Variants in DHRSX observed in about 807,000 individuals in gnomAD.
DHRSX encodes dehydrogenase/reductase X-linked.
In DHRSX, 31 loss-of-function variants were observed where a neutral mutation model predicts 34.0. The observed-to-expected ratio is 0.91, with a 90% confidence interval of 0.69 to 1.23. DHRSX has a LOEUF of 1.23. Among genes scored for constraint, DHRSX ranks in the 50% most tolerant of loss-of-function variants. The probability of loss-of-function intolerance (pLI) is 0.00; values close to 1 mark genes in which losing one functional copy is unlikely to be tolerated. For missense variants in DHRSX, 414 were observed against 428.1 expected, an observed-to-expected ratio of 0.97 and a Z score of 0.29; for synonymous variants, 201 against 183.8, an observed-to-expected ratio of 1.09 and a Z score of -0.76.
chrX:2,255,870 C>T (rs1336631796), intron 5 of DHRSX, among the ~76,000 whole-genome samples: 23 of 151,780 alleles, frequency 1.5e-4, no homozygotes, highest in African/African-American at 2.7e-4. Flanking sequence ...GCTGAGATTG[C>T]GCCACTGCAC....
chrX:2,453,507 A>T (rs2124678853), intron 1 of DHRSX, among the ~76,000 whole-genome samples: 1 of 152,122 alleles, frequency 6.6e-6, no homozygotes, highest in Admixed American at 6.5e-5. Flanking sequence ...CACCATCTCT[A>T]CAAAAAATTT....
rs1187973781 is a variant in DHRSX, at chrX:2,317,205, G to A, written c.287-25602C>T. 2.0e-5 allele frequency among the ~76,000 whole-genome samples: 3 copies of A among 148,578 alleles called. No individual in the cohort carries two copies. The East Asian group carries it at 5.9e-4, about 29-fold the overall frequency. ...ACTCCTGACCTCAGGTGATCCACCC[G>A]CCTCGGCTTCCCAAAGTGCTGGGAT... On this transcript the variant is annotated intron_variant, in intron 3 of 6. Coordinates refer to ENST00000334651, the MANE Select transcript of DHRSX (RefSeq NM_145177.3).
chrX:2,470,434 A>C (rs1194619718), intron 1 of DHRSX, among the ~76,000 whole-genome samples: 1 of 151,888 alleles, frequency 6.6e-6, no homozygotes, highest in Non-Finnish European at 1.5e-5. Flanking sequence ...TTAACTGGAT[A>C]TGGTGGCATG....
In DHRSX at chrX:2,220,282, G is replaced by A. The variant is rs930246820; in HGVS notation, c.*759C>T. On this transcript the variant is annotated 3_prime_UTR_variant, in exon 7 of 7. Transcript: ENST00000334651. Reference sequence around the variant, plus strand: ...TGTCTCTGATAAGAACCCTCGTGATGGCATTAGGTTCACTGGGATGATCCA... The same window carrying A: ...TGTCTCTGATAAGAACCCTCGTGATAGCATTAGGTTCACTGGGATGATCCA... The A allele has an allele frequency of 3.3e-5, 5 of 152,102 alleles. No homozygotes were observed. The highest frequency in any genetic ancestry group is 1.2e-4 in the African/African-American group (5 of 41,424). 9.4% of individuals were successfully genotyped at this position (152,102 alleles called of 1,614,324 possible). A position where few individuals can be genotyped will look rare whatever the true frequency, so the allele number is the denominator to read the frequency against.
intron 1 of DHRSX, among the ~76,000 whole-genome samples, chrX:2,459,565 T>TAA (rs1454636264): frequency 6.8e-6 from 1 of 148,108 alleles, no homozygotes; most frequent in Admixed American, 6.8e-5. Context: ...TATATATATA[T>TAA]ATATATATAT....
intron 3 of DHRSX, among the ~76,000 whole-genome samples, chrX:2,297,276 C>T (rs941094711): frequency 6.6e-6 from 1 of 152,204 alleles, no homozygotes; most frequent in Admixed American, 6.5e-5. Context: ...GTGCGCAGCA[C>T]CACGCCTGGC....
intron 4 of DHRSX, among the ~76,000 whole-genome samples, chrX:2,268,341 A>G (rs2041502558): frequency 6.6e-6 from 1 of 152,244 alleles, no homozygotes; most frequent in Non-Finnish European, 1.5e-5. Context: ...TTGTATGTAC[A>G]TGGATAATGT....
At chrX:2,382,813 TCAC>T (rs1177981562) in intron 3 of DHRSX, among the ~76,000 whole-genome samples, 2 of 144,440 alleles carry the variant, frequency 1.4e-5, no homozygotes, top group East Asian at 2.1e-4. Flanking sequence ...ATCACCGTCA[TCAC>T]CACCATCATC....
At chrX:2,498,710 T>G (rs1417264358) in intron 1 of DHRSX, among the ~76,000 whole-genome samples, 2 of 151,974 alleles carry the variant, frequency 1.3e-5, no homozygotes, top group Admixed American at 6.6e-5. Context: ...GGTGAGCTGC[T>G]GCAGGAACCC....
intron 3 of DHRSX, among the ~76,000 whole-genome samples, chrX:2,298,717 A>G (rs1602895272): frequency 6.7e-6 from 1 of 150,122 alleles, no homozygotes; most frequent in African/African-American, 2.5e-5. Flanking sequence ...CGGGCGCGGC[A>G]GCTCACGCCT....
chrX:2,266,215 A>C (rs1161235325), intron 5 of DHRSX, among the ~76,000 whole-genome samples: 1 of 140,314 alleles, frequency 7.1e-6, no homozygotes, highest in Non-Finnish European at 1.5e-5. Flanking sequence ...AGACGCAGGG[A>C]GCACTGTCCC....
At chrX:2,360,594 C>A (rs1006662846) in intron 3 of DHRSX, among the ~76,000 whole-genome samples, 59 of 151,836 alleles carry the variant, frequency 3.9e-4, no homozygotes, top group East Asian at 5.8e-4. Context: ...ACAACAACAA[C>A]AAAAAAATAC....
intron 3 of DHRSX, among the ~76,000 whole-genome samples, chrX:2,373,161 G>A (rs1221294615): frequency 4.6e-5 from 7 of 152,126 alleles, no homozygotes; most frequent in Non-Finnish European, 7.4e-5. Context: ...ATCAGATCTC[G>A]TGAGAACACA....
In DHRSX at chrX:2,460,582, C is replaced by CT. The variant is rs71281906; in HGVS notation, c.110-35279dup. Among the ~76,000 whole-genome samples, 637 of 111,520 alleles carry CT rather than the reference C, an allele frequency of 5.7e-3. 12 individuals are homozygous for CT. Among genetic ancestry groups the CT allele is most frequent in the Admixed American group, 0.026 (276 of 10,490 alleles). 73.2% of individuals were successfully genotyped at this position (111,520 alleles called of 152,430 possible). On this transcript the variant is annotated intron_variant, in intron 1 of 6. Coordinates refer to ENST00000334651, the MANE Select transcript of DHRSX (RefSeq NM_145177.3). ...CACACACGTGTGCCACCACGTCTGGCTTTTTTTTTTTTTTTTAGAGACAGC... is the reference window on the plus strand; with the variant it reads ...CACACACGTGTGCCACCACGTCTGGCTTTTTTTTTTTTTTTTTAGAGACAGC...
chrX:2,485,821 A>G (rs780741570), intron 1 of DHRSX, among the ~76,000 whole-genome samples: 4 of 94,126 alleles, frequency 4.2e-5, no homozygotes, highest in South Asian at 5.3e-4. Flanking sequence ...GGAGAGAAGG[A>G]AGGAAGGGAG....
At chrX:2,291,432 G>T (rs908440302) in intron 4 of DHRSX, 70 bp downstream of exon 4, 4 of 1,193,816 alleles carry the variant, frequency 3.4e-6, no homozygotes, top group African/African-American at 1.5e-5. Flanking sequence ...CACTTCTCCC[G>T]CATGAAAGCT....
chrX:2,408,511 C>T (rs2043586886), intron 3 of DHRSX, among the ~76,000 whole-genome samples: 1 of 152,136 alleles, frequency 6.6e-6, no homozygotes, highest in East Asian at 1.9e-4. Context: ...ACCAGCACAT[C>T]TGCATGCCTT....
chrX:2,290,477 T>C (rs1263893757), intron 4 of DHRSX, among the ~76,000 whole-genome samples: 1 of 152,192 alleles, frequency 6.6e-6, no homozygotes, highest in African/African-American at 2.4e-5. Flanking sequence ...GAATCTTTAA[T>C]GGTCTAGGTG....
At chrX:2,480,415 C>A (rs1277383310) in intron 1 of DHRSX, among the ~76,000 whole-genome samples, 1 of 150,646 alleles carries the variant, frequency 6.6e-6, no homozygotes, top group African/African-American at 2.4e-5. Flanking sequence ...GGAGCGGTGG[C>A]TCATGTCTGG....
Sources: allele counts gnomAD v4.1 joint callset (sites outside exome capture counted in the v4.1 genomes callset), GRCh38; gene constraint gnomAD v4.1.1; transcripts MANE v1.5; gene names NCBI Gene and HGNC (gene_info 2026-07-23, HGNC 2026-07-21).